The following SHISAL1 variants were observed in gnomAD, a reference collection of about 807,000 sequenced individuals.
The protein encoded by SHISAL1 is protein shisa-like-1.
In SHISAL1, 9 loss-of-function variants were observed where a neutral mutation model predicts 22.6. The ratio of observed to expected loss-of-function variants is 0.40; its 90% CI spans 0.24 to 0.70. The LOEUF (loss-of-function observed/expected upper bound fraction) is 0.70, where lower values mean the gene tolerates loss of function less well. SHISAL1 is among the 30% of genes least tolerant of loss of function. The pLI is 0.39. For synonymous variants in SHISAL1, 119 were observed against 115.4 expected (o/e 1.03, Z -0.20); for missense variants, 246 against 270.6 (o/e 0.91, Z 0.64).
At chr22:44,297,190 C>G (rs1186135667) in intron 2 of SHISAL1, among the ~76,000 whole-genome samples, 1 of 152,226 alleles carries the variant, frequency 6.6e-6, no homozygotes, top group Non-Finnish European at 1.5e-5. Context: ...TGAGCACCTA[C>G]TGTATGCTTC....
At position 44,259,811 on chromosome 22, in the gene SHISAL1, A is replaced by G. The variant is rs114465451; in HGVS notation, c.*-10126T>C. 9.9e-3 allele frequency among the ~76,000 whole-genome samples: 1,501 copies of G among 152,220 alleles called. 21 individuals are homozygous for G. The highest frequency in any genetic ancestry group is 0.034 in the African/African-American group (1,412 of 41,522). ...CAATCGAGCGTCCAATTTTCCTAGA[A>G]CTTATCTTTACCTTTCTTCTTTTTC... On this transcript the variant is annotated intron_variant, in intron 4 of 4. Coordinates refer to ENST00000381176, the MANE Select transcript of SHISAL1 (RefSeq NM_001099294.2).
upstream of SHISAL1, among the ~76,000 whole-genome samples, chr22:44,316,176 T>C (rs115194152): frequency 4.4e-3 from 672 of 152,174 alleles, 4 homozygotes; most frequent in African/African-American, 0.016. Context: ...GGGAACCCAG[T>C]TGGGACGTGG....
At chr22:44,319,791 C>A in the SHISAL1 span, among the ~76,000 whole-genome samples, 1 of 152,152 alleles carries the variant, frequency 6.6e-6, no homozygotes, top group Non-Finnish European at 1.5e-5. Flanking sequence ...TGGCTCAAGT[C>A]GTGAAAGATT....
At chr22:44,280,094 C>G (rs925078532) in intron 4 of SHISAL1, among the ~76,000 whole-genome samples, 6 of 152,176 alleles carry the variant, frequency 3.9e-5, no homozygotes, top group African/African-American at 1.4e-4. Flanking sequence ...CCCACTCAGG[C>G]CCCTAGACCT....
intron 4 of SHISAL1, among the ~76,000 whole-genome samples, chr22:44,249,996 C>T (rs2055036178): frequency 6.6e-6 from 1 of 152,100 alleles, no homozygotes; most frequent in African/African-American, 2.4e-5. Context: ...TTAACAGAAT[C>T]AACAGGTTAA....
chr22:44,281,720 G>A (rs1485103600), intron 4 of SHISAL1, among the ~76,000 whole-genome samples: 4 of 152,164 alleles, frequency 2.6e-5, no homozygotes, highest in Non-Finnish European at 4.4e-5. Context: ...TGGAGTCTTG[G>A]GGTCACCAGA....
intron 4 of SHISAL1, among the ~76,000 whole-genome samples, chr22:44,280,340 T>C (rs908708167): frequency 6.6e-6 from 1 of 152,056 alleles, no homozygotes; most frequent in Non-Finnish European, 1.5e-5. Flanking sequence ...CTCAAAACCA[T>C]GGATCTACTG....
At chr22:44,304,211 G>T (rs2055454110) in intron 1 of SHISAL1, among the ~76,000 whole-genome samples, 2 of 152,210 alleles carry the variant, frequency 1.3e-5, no homozygotes, top group Admixed American at 1.3e-4. Context: ...GCTTTACTGG[G>T]GGCAGAGTTA....
At chr22:44,326,990 G>C in the SHISAL1 span, among the ~76,000 whole-genome samples, 2 of 152,028 alleles carry the variant, frequency 1.3e-5, no homozygotes, top group Non-Finnish European at 2.9e-5. Flanking sequence ...CTGCAATATA[G>C]GCTTGAACAT....
chr22:44,254,496 G>A (rs1385283884), intron 4 of SHISAL1, among the ~76,000 whole-genome samples: 1 of 152,110 alleles, frequency 6.6e-6, no homozygotes, highest in African/African-American at 2.4e-5. Context: ...GTGTAGCTAA[G>A]ACTACAGGTG....
At chr22:44,330,890 C>T in the SHISAL1 span, among the ~76,000 whole-genome samples, 6 of 151,946 alleles carry the variant, frequency 3.9e-5, no homozygotes, top group African/African-American at 1.4e-4. Context: ...CGCGGCGGAC[C>T]AGGACCCAGG....
At chr22:44,297,822 C>A (rs1379671245) in intron 2 of SHISAL1, among the ~76,000 whole-genome samples, 2 of 152,268 alleles carry the variant, frequency 1.3e-5, no homozygotes, top group Non-Finnish European at 2.9e-5. Flanking sequence ...TGAAAAGGGG[C>A]TTCGCTGGCT....
At chr22:44,297,284 A>C (rs1009857020) in intron 2 of SHISAL1, among the ~76,000 whole-genome samples, 1 of 152,228 alleles carries the variant, frequency 6.6e-6, no homozygotes, top group African/African-American at 2.4e-5. Flanking sequence ...TCAGAGACCT[A>C]AGGTGACTTG....
intron 3 of SHISAL1, among the ~76,000 whole-genome samples, chr22:44,286,218 C>T (rs2055314519): frequency 6.6e-6 from 1 of 152,156 alleles, no homozygotes; most frequent in Non-Finnish European, 1.5e-5. Flanking sequence ...CGGAGGTCCT[C>T]CCCATCCTGC....
At chr22:44,253,591 G>A (rs1465548292) in intron 4 of SHISAL1, among the ~76,000 whole-genome samples, 2 of 143,606 alleles carry the variant, frequency 1.4e-5, no homozygotes, top group Non-Finnish European at 3.0e-5. Flanking sequence ...CACCATGTCT[G>A]GCTAATTTTT....
At chr22:44,255,189 T>C (rs746990234) in intron 4 of SHISAL1, among the ~76,000 whole-genome samples, 9 of 152,070 alleles carry the variant, frequency 5.9e-5, no homozygotes, top group Non-Finnish European at 1.2e-4. Flanking sequence ...GATATATATA[T>C]ATTTTTTTTG....
At chr22:44,275,402 G>A (rs2055232910) in intron 4 of SHISAL1, among the ~76,000 whole-genome samples, 4 of 152,236 alleles carry the variant, frequency 2.6e-5, no homozygotes, top group Admixed American at 2.0e-4. Flanking sequence ...CGGATCAGAA[G>A]CGAGGCTGAG....
intron 4 of SHISAL1, among the ~76,000 whole-genome samples, chr22:44,269,836 C>T (rs2055194459): frequency 6.6e-6 from 1 of 152,198 alleles, no homozygotes; most frequent in Non-Finnish European, 1.5e-5. Flanking sequence ...TCCCCTGGTG[C>T]TGGCGTCCCA....
At chr22:44,253,141 T>C (rs1280928624) in intron 4 of SHISAL1, among the ~76,000 whole-genome samples, 3 of 152,192 alleles carry the variant, frequency 2.0e-5, no homozygotes, top group Non-Finnish European at 4.4e-5. Context: ...ATAAACGTTA[T>C]GTGCATTTTA....
Sources: gnomAD v4.1 joint callset for allele counts (sites outside exome capture counted in the v4.1 genomes callset) on GRCh38, gnomAD v4.1.1 for gene constraint, MANE v1.5 for transcripts, NCBI Gene and HGNC (gene_info 2026-07-23, HGNC 2026-07-21) for gene names.